UGT1A10: variants seen among roughly 807,000 people sequenced by gnomAD.
UGT1A10 encodes the protein UDP-glucuronosyltransferase 1A10.
Under a neutral mutation model 45.8 loss-of-function variants are expected in UGT1A10, and 49 were observed. The ratio of observed to expected loss-of-function variants is 1.07; its 90% CI spans 0.85 to 1.36. UGT1A10 has a LOEUF of 1.36. Ranked by LOEUF, UGT1A10 falls within the 40% of genes most tolerant of loss-of-function variation. UGT1A10 has a pLI of 0.00. For synonymous variants in UGT1A10, 284 were observed against 249.7 expected, an observed-to-expected ratio of 1.14 and a Z score of -1.29; for missense variants, 745 against 668.6, an observed-to-expected ratio of 1.11 and a Z score of -1.26.
rs185333824 is a variant in UGT1A10, at chr2:233,753,128, G to A, written c.856-13906G>A. 3.3e-4 allele frequency: 50 copies of A among 152,262 alleles called. No individual in the cohort carries two copies. The East Asian group carries it at 8.9e-3, about 27-fold the overall frequency. 9.4% of individuals were successfully genotyped at this position (152,262 alleles called of 1,614,324 possible). A position where few individuals can be genotyped will look rare whatever the true frequency, so the allele number is the denominator to read the frequency against. On this transcript the variant is annotated intron_variant, in intron 1 of 4. Transcript: ENST00000344644. ...AAACCCATCCCCAGCAAACTACTCA[G>A]TGAGTATCTTCACACATGTAAGTTC...
intron 1 of UGT1A10, among the ~76,000 whole-genome samples, chr2:233,659,251 G>A (rs2073917225): frequency 6.6e-6 from 1 of 152,054 alleles, no homozygotes; most frequent in African/African-American, 2.4e-5. Flanking sequence ...GGAGATTAGG[G>A]ATACCAACCT....
intron 1 of UGT1A10, among the ~76,000 whole-genome samples, chr2:233,649,624 A>G (rs367844844): frequency 2.6e-5 from 4 of 152,216 alleles, no homozygotes; most frequent in African/African-American, 9.6e-5. Flanking sequence ...CAGATTTGAC[A>G]TGTTCTTTTA....
In UGT1A10 at chr2:233,769,722, G is replaced by C. The variant is rs906143757; in HGVS notation, c.1295+1283G>C. The C allele has an allele frequency of 4.0e-5, 60 of 1,484,822 alleles. No homozygotes were observed. The highest frequency in any genetic ancestry group is 4.9e-5 in the Non-Finnish European group (55 of 1,116,098). 92.0% of individuals were successfully genotyped at this position (1,484,822 alleles called of 1,614,324 possible). On this transcript the variant is annotated intron_variant, in intron 4 of 4. Coordinates refer to ENST00000344644, the MANE Select transcript of UGT1A10 (RefSeq NM_019075.4). The surrounding 1 kb of genome is among the most constrained non-coding windows in gnomAD (Gnocchi z 4.4). ...AGATCAATGTTGGCTAGGCACCATGGCACACGCCTGTAGTCCCAGCCACTC... is the reference window on the plus strand; with the variant it reads ...AGATCAATGTTGGCTAGGCACCATGCCACACGCCTGTAGTCCCAGCCACTC...
At chr2:233,703,860 T>A (rs1410590992) in intron 1 of UGT1A10, among the ~76,000 whole-genome samples, 1 of 152,144 alleles carries the variant, frequency 6.6e-6, no homozygotes, top group African/African-American at 2.4e-5. Context: ...CTATTATTGA[T>A]GTAGATGGAA....
chr2:233,729,476 T>G lies in UGT1A10; in HGVS notation c.856-37558T>G, dbSNP rs780193627. On this transcript the variant is annotated intron_variant, in intron 1 of 4. Coordinates refer to ENST00000344644, the MANE Select transcript of UGT1A10 (RefSeq NM_019075.4). Reference sequence around the variant, plus strand: ...AAATTTTTCAGAAGTATGGCAATGTTGAACAATATGTCTTTGGTCTATCAT... The same window carrying G: ...AAATTTTTCAGAAGTATGGCAATGTGGAACAATATGTCTTTGGTCTATCAT... 12 of 1,614,098 alleles carry G rather than the reference T, an allele frequency of 7.4e-6. No individual in the cohort carries two copies. In the African/African-American group the frequency reaches 1.6e-4, roughly 22 times the overall value.
rs879204025 is a variant in UGT1A10, at chr2:233,769,857, C to CAA, written c.1295+1434_1295+1435dup. On this transcript the variant is annotated intron_variant, in intron 4 of 4. Transcript: ENST00000344644. This position sits in a 1 kb window ranked among gnomAD's most constrained non-coding sequence, Gnocchi z 4.4. The stretch of plus-strand genomic sequence containing the variant: ...TGGGCAACAGAGTGAGACCCTGTCT[C>CAA]AAAAAAAAAAAAAAAAATGAAAAGT... The CAA allele has an allele frequency of 9.9e-3, 2,209 of 224,054 alleles. 3 individuals are homozygous for CAA. The highest frequency in any genetic ancestry group is 0.012 in the South Asian group (106 of 9,094). The allele number at this position is 224,054 out of a possible 1,614,324, so 13.9% of individuals were successfully genotyped here.
At chr2:233,717,810 ATGCAGCCCGTTCTGTTCTGGAGGAACCAT>A (rs1283928301) in intron 1 of UGT1A10, 9 of 455,784 alleles carry the variant, frequency 2.0e-5, no homozygotes, top group Non-Finnish European at 4.0e-5. Flanking sequence ...CCCACAAATT[ATGCAGCCCGTTCTGTTCTGGAGGAACCAT>A]TCTTATCAGA....
chr2:233,718,023 A>G (rs1438994105), intron 1 of UGT1A10: 2 of 389,712 alleles, frequency 5.1e-6, no homozygotes, highest in South Asian at 3.8e-5. Flanking sequence ...CCAGCTCCCC[A>G]GGTCCTTTGG....
At chr2:233,719,149 A>T in intron 1 of UGT1A10, 1 of 1,614,268 alleles carries the variant, frequency 6.2e-7, no homozygotes, top group Non-Finnish European at 8.5e-7. Flanking sequence ...CTGAAGAGAT[A>T]TTCTAGAAGT....
chr2:233,680,326 C>T (rs1013863860), intron 1 of UGT1A10, among the ~76,000 whole-genome samples: 13 of 152,100 alleles, frequency 8.5e-5, no homozygotes, highest in Admixed American at 1.3e-4. Flanking sequence ...AGAGAAGAAA[C>T]GCGCAGAGGG....
At chr2:233,715,882 C>A (rs576558461) in intron 1 of UGT1A10, among the ~76,000 whole-genome samples, 1 of 152,178 alleles carries the variant, frequency 6.6e-6, no homozygotes, top group Non-Finnish European at 1.5e-5. Flanking sequence ...CCTGTGGCCC[C>A]AGCTACTTGG....
chr2:233,746,804 G>A (rs960699713), intron 1 of UGT1A10, among the ~76,000 whole-genome samples: 7 of 151,820 alleles, frequency 4.6e-5, no homozygotes, highest in African/African-American at 1.7e-4. Flanking sequence ...GAGCGTGAAT[G>A]TGGATTGCCT....
At chr2:233,734,436 C>G (rs1368482825) in intron 1 of UGT1A10, among the ~76,000 whole-genome samples, 2 of 151,658 alleles carry the variant, frequency 1.3e-5, no homozygotes, top group Admixed American at 1.3e-4. Context: ...TTAGTCTTGC[C>G]AGAGGTCTAT....
At chr2:233,656,970 C>A (rs2073869001) in intron 1 of UGT1A10, among the ~76,000 whole-genome samples, 2 of 151,770 alleles carry the variant, frequency 1.3e-5, no homozygotes, top group East Asian at 3.9e-4. Flanking sequence ...CAGGTGAGCC[C>A]AGGTGGAGCC....
At chr2:233,707,897 T>C (rs1272333206) in intron 1 of UGT1A10, among the ~76,000 whole-genome samples, 2 of 152,256 alleles carry the variant, frequency 1.3e-5, no homozygotes, top group Non-Finnish European at 1.5e-5. Context: ...GTTATGTACA[T>C]GACTGATTAT....
At chr2:233,668,513 C>T (rs2074121872) in intron 1 of UGT1A10, among the ~76,000 whole-genome samples, 1 of 152,210 alleles carries the variant, frequency 6.6e-6, no homozygotes, top group South Asian at 2.1e-4. Context: ...CCCCAATAAA[C>T]ATACGTGTGC....
At chr2:233,743,465 CA>C (rs1314661599) in intron 1 of UGT1A10, 5 of 1,366,480 alleles carry the variant, frequency 3.7e-6, no homozygotes, top group Middle Eastern at 4.2e-4. Flanking sequence ...AAAACACCCC[CA>C]AAAGCTGGAA....
chr2:233,734,966 G>A (rs1165220522), intron 1 of UGT1A10, among the ~76,000 whole-genome samples: 1 of 152,234 alleles, frequency 6.6e-6, no homozygotes, highest in Non-Finnish European at 1.5e-5. Flanking sequence ...AGTGTGATGT[G>A]GTGCTGAGAA....
intron 1 of UGT1A10, among the ~76,000 whole-genome samples, chr2:233,687,650 C>A (rs1194138465): frequency 1.3e-5 from 2 of 148,726 alleles, no homozygotes; most frequent in Non-Finnish European, 3.0e-5. Context: ...CACATGTAAT[C>A]ACAGCACTTT....
Sources: gnomAD v4.1 joint callset for allele counts (sites outside exome capture counted in the v4.1 genomes callset) on GRCh38, gnomAD v4.1.1 for gene constraint, Gnocchi (gnomAD v3.1) non-coding constraint, MANE v1.5 for transcripts, NCBI Gene and HGNC (gene_info 2026-07-23, HGNC 2026-07-21) for gene names.